FAT1: variants seen among roughly 807,000 people sequenced by gnomAD.
FAT1 encodes FAT atypical cadherin 1, also known as protocadherin Fat 1.
FAT1 carries 171 observed loss-of-function variants against 329.8 expected under a neutral mutation model. The ratio of observed to expected loss-of-function variants is 0.52; its 90% confidence interval spans 0.46 to 0.59. The LOEUF is 0.59. Among genes scored for constraint, FAT1 ranks in the 20% least tolerant of loss-of-function variants. The probability of loss-of-function intolerance (pLI) is 0.00; values close to 1 mark genes in which losing one functional copy is unlikely to be tolerated. For missense variants in FAT1, 5,672 were observed against 5,774.4 expected, an observed-to-expected ratio of 0.98 and a Z score of 0.57; for synonymous variants, 2,233 against 2,228.6, an observed-to-expected ratio of 1.00 and a Z score of -0.06.
In FAT1 at chr4:186,708,034, T is replaced by C. The variant is rs2126693297; in HGVS notation, c.1794A>G (p.Glu598=). Residue 598 remains glutamate, a synonymous_variant, in exon 2 of 27, where the codon GAA becomes GAG. Transcript: ENST00000441802. The stretch of plus-strand genomic sequence containing the variant: ...CAATCTGATACTGTACCAACTGAAG[T>C]TCATCTGCATCAATAGCAGAAACAG... ...ITTVSAIDAD[E]LQLVQYQIEA... The C allele has an allele frequency of 6.2e-7, 1 of 1,613,958 alleles. No homozygotes were observed. Among genetic ancestry groups the C allele is most frequent in the Non-Finnish European group, 8.5e-7 (1 of 1,179,892 alleles).
chr4:186,619,764 G>C lies in FAT1; in HGVS notation c.6822C>G (p.Asp2274Glu), dbSNP rs3796648. 0.042 allele frequency: 67,557 copies of C among 1,613,918 alleles called. 3,117 individuals carry two copies. The highest frequency in any genetic ancestry group is 0.2 in the Admixed American group (12,041 of 60,002). ...ACACAGGAGGGTTATCATTGATGTCGTCTACTATGATGTCCACAAATACTT... is the reference window on the plus strand; with the variant it reads ...ACACAGGAGGGTTATCATTGATGTCCTCTACTATGATGTCCACAAATACTT... ...HAEVFVDIIV[D>E]DINDNPPVFA... is the part of the protein sequence containing the mutation. The change falls in exon 10 of 27, where the codon GAC becomes GAG. Residue 2274 changes from aspartate (D) to glutamate (E), a missense_variant. Around this residue, in one of 2 missense-constraint regions of FAT1, gnomAD observed 3,966 missense variants for 3,915.2 expected, o/e 1.01. Coordinates refer to ENST00000441802, the MANE Select transcript of FAT1 (RefSeq NM_005245.4).
In FAT1 at chr4:186,589,098, C is replaced by G. The variant is rs1048107807; in HGVS notation, c.13261G>C (p.Asp4421His). 6.2e-7 allele frequency: 1 copy of G among 1,613,792 alleles called. No homozygotes were observed. Among genetic ancestry groups the G allele is most frequent in the Non-Finnish European group, 8.5e-7 (1 of 1,179,880 alleles). ...PLYSADPNAI[D>H]TDYYPGGYDI... is the part of the protein sequence containing the mutation. The stretch of plus-strand genomic sequence containing the variant: ...TAGCCTCCAGGGTAATAGTCCGTAT[C>G]GATGGCGTTTGGATCTGCTGAGTAC... The change falls in exon 27 of 27, where the codon GAT (aspartate) becomes CAT (histidine). Residue 4421 changes from aspartate to histidine, a missense_variant. Transcript: ENST00000441802.
At chr4:186,616,434 A>G (rs1164194214) in intron 11 of FAT1, among the ~76,000 whole-genome samples, 1 of 151,704 alleles carries the variant, frequency 6.6e-6, no homozygotes, top group Non-Finnish European at 1.5e-5. Context: ...CTGCCCCCCG[A>G]AGCTGAGCCA....
intron 21 of FAT1, 107 bp from the exon 22 acceptor site, chr4:186,600,467 G>A: frequency 1.1e-6 from 1 of 893,764 alleles, no homozygotes; most frequent in Non-Finnish European, 1.7e-6. Context: ...GTAGAAGTTA[G>A]GCCTTACATT....
At position 186,588,549 on chromosome 4, in the gene FAT1, C is replaced by G; in HGVS notation, c.*43G>C. 3.2e-6 allele frequency: 5 copies of G among 1,578,290 alleles called. No individual in the cohort carries two copies. The highest frequency in any genetic ancestry group is 4.3e-6 in the Non-Finnish European group (5 of 1,164,210). Reference sequence around the variant, plus strand: ...GAACAGCGCGGATTACTCACATCACCTCTAGGTTCACTAAAGTCAGGCACT... The same window carrying G: ...GAACAGCGCGGATTACTCACATCACGTCTAGGTTCACTAAAGTCAGGCACT... On this transcript the variant is annotated 3_prime_UTR_variant, in exon 27 of 27. Transcript: ENST00000441802.
intron 2 of FAT1, among the ~76,000 whole-genome samples, chr4:186,688,141 C>G (rs966352146): frequency 7.3e-6 from 1 of 136,296 alleles, no homozygotes; most frequent in Non-Finnish European, 1.5e-5. Flanking sequence ...AAAGCCAACA[C>G]TATGTAATCA....
At chr4:186,626,791 T>A (rs1740328174) in intron 9 of FAT1, among the ~76,000 whole-genome samples, 3 of 87,014 alleles carry the variant, frequency 3.4e-5, no homozygotes, top group Admixed American at 2.3e-4. Context: ...GCCCACAGAA[T>A]GAATGAATGA....
intron 2 of FAT1, among the ~76,000 whole-genome samples, chr4:186,667,728 G>A (rs1742524489): frequency 6.6e-6 from 1 of 152,194 alleles, no homozygotes; most frequent in South Asian, 2.1e-4. Flanking sequence ...AAAGAACATG[G>A]AAGTTGCATG....
intron 14 of FAT1, among the ~76,000 whole-genome samples, chr4:186,610,475 C>T (rs1233987204): frequency 6.6e-6 from 1 of 150,978 alleles, no homozygotes; most frequent in Non-Finnish European, 1.5e-5. Context: ...CTAGATAACC[C>T]TTTATTTACA....
At chr4:186,597,242 G>C (rs1579292062) in intron 24 of FAT1, 71 bp from the exon 25 acceptor site, 2 of 1,434,416 alleles carry the variant, frequency 1.4e-6, no homozygotes, top group Middle Eastern at 1.8e-4. Context: ...TCAATCCTTA[G>C]AGACTGAAGA....
intron 13 of FAT1, 122 bp from the exon 14 acceptor site, chr4:186,611,897 C>G: frequency 1.5e-6 from 1 of 679,994 alleles, no homozygotes; most frequent in South Asian, 2.0e-5. Context: ...GATCTTGGCT[C>G]ACTGCAACCT....
chr4:186,601,149 A>G, intron 21 of FAT1, 120 bp downstream of exon 21: 1 of 914,124 alleles, frequency 1.1e-6, no homozygotes, highest in South Asian at 2.5e-5. Context: ...GAATTATTTA[A>G]ATGTGGAATT....
At chr4:186,721,683 G>A (rs1231943155) in intron 1 of FAT1, among the ~76,000 whole-genome samples, 1 of 152,144 alleles carries the variant, frequency 6.6e-6, no homozygotes, top group African/African-American at 2.4e-5. Context: ...GAAAGCAAGC[G>A]GGTAAAGTGT....
intron 2 of FAT1, among the ~76,000 whole-genome samples, chr4:186,678,074 G>A (rs1026561139): frequency 1.2e-4 from 18 of 152,134 alleles, no homozygotes; most frequent in African/African-American, 4.1e-4. Context: ...TCATTTTAAA[G>A]TGACATTTTC....
chr4:186,638,037 A>G (rs1156727398), intron 4 of FAT1, among the ~76,000 whole-genome samples: 1 of 152,240 alleles, frequency 6.6e-6, no homozygotes, highest in Non-Finnish European at 1.5e-5. Context: ...TTTAGTATTC[A>G]TCACCAAATT....
At chr4:186,667,394 C>T (rs933493025) in intron 2 of FAT1, among the ~76,000 whole-genome samples, 8 of 152,278 alleles carry the variant, frequency 5.3e-5, no homozygotes, top group Admixed American at 2.6e-4. Context: ...ATTCAAATAT[C>T]GGAGATTGTG....
At position 186,718,100 on chromosome 4, in the gene FAT1, G is replaced by A. The variant is rs536540748; in HGVS notation, c.-19+5564C>T. Among the ~76,000 whole-genome samples the A allele has an allele frequency of 3.7e-4, 56 of 152,150 alleles. 1 individual carries two copies. The highest frequency in any genetic ancestry group is 1.3e-3 in the African/African-American group (53 of 41,486). On this transcript the variant is annotated intron_variant, in intron 1 of 26. Coordinates refer to ENST00000441802, the MANE Select transcript of FAT1 (RefSeq NM_005245.4). ...TTGGGCTCCCTGTATAATTAGATTC[G>A]GTCAACCCTTCACTAAATGACAGAC...
At chr4:186,699,948 C>T (rs762443884) in intron 2 of FAT1, among the ~76,000 whole-genome samples, 5 of 152,108 alleles carry the variant, frequency 3.3e-5, no homozygotes, top group Non-Finnish European at 7.3e-5. Flanking sequence ...AACATTAAAC[C>T]TCTACACACA....
chr4:186,643,501 C>T (rs1741196868), intron 3 of FAT1, among the ~76,000 whole-genome samples: 1 of 152,108 alleles, frequency 6.6e-6, no homozygotes, highest in African/African-American at 2.4e-5. Flanking sequence ...GGGGGTGGCA[C>T]CAGGTGATGC....
Sources: allele counts gnomAD v4.1 joint callset (sites outside exome capture counted in the v4.1 genomes callset), GRCh38; gene constraint gnomAD v4.1.1; regional missense constraint gnomAD v4.1.1; transcripts MANE v1.5; gene names NCBI Gene and HGNC (gene_info 2026-07-23, HGNC 2026-07-21).